Variants in PCDH15 observed in about 807,000 individuals in gnomAD.
PCDH15 encodes protocadherin-15.
In PCDH15, 129 loss-of-function variants were observed where a neutral mutation model predicts 178.5. The observed-to-expected ratio is 0.72, with a 90% CI of 0.63 to 0.84. PCDH15 has a LOEUF of 0.84. Among genes scored for constraint, PCDH15 ranks in the 40% least tolerant of loss-of-function variants. PCDH15 has a pLI of 0.00. For missense variants in PCDH15, 2,230 were observed against 2,099.9 expected, an observed-to-expected ratio of 1.06 and a Z score of -1.21; for synonymous variants, 800 against 732.0, an observed-to-expected ratio of 1.09 and a Z score of -1.50.
chr10:53,803,943 G>A lies in PCDH15; in HGVS notation c.*2636C>T, dbSNP rs981026350. The A allele has an allele frequency of 4.0e-5, 6 of 151,788 alleles. No individual in the cohort carries two copies. Among genetic ancestry groups the A allele is most frequent in the Non-Finnish European group, 7.4e-5 (5 of 67,854 alleles). The allele number at this position is 151,788 out of a possible 1,614,324, so 9.4% of individuals were successfully genotyped here. ...TCTTTATAAATATTTACATTGAAAC[G>A]TTATTTATATGAAGTATTCTTAAGA... On this transcript the variant is annotated 3_prime_UTR_variant, in exon 38 of 38. Coordinates refer to ENST00000644397, the MANE Select transcript of PCDH15 (RefSeq NM_001384140.1).
chr10:54,892,772 C>T (rs1463168698), intron 3 of PCDH15, among the ~76,000 whole-genome samples: 5 of 149,950 alleles, frequency 3.3e-5, no homozygotes, highest in African/African-American at 1.2e-4. Flanking sequence ...CTCTTGTCAC[C>T]CAAGCTGGAG....
intron 2 of PCDH15, among the ~76,000 whole-genome samples, chr10:55,424,312 G>A (rs922418297): frequency 4.6e-5 from 7 of 151,958 alleles, no homozygotes; most frequent in African/African-American, 1.7e-4. Context: ...GATGTCAGGG[G>A]GTATCATGAG....
chr10:54,858,227 T>C (rs1453557137), intron 3 of PCDH15, among the ~76,000 whole-genome samples: 1 of 152,194 alleles, frequency 6.6e-6, no homozygotes, highest in African/African-American at 2.4e-5. Context: ...TTCATTTTTT[T>C]GTAAATGACA....
At chr10:55,486,465 C>T (rs532614318) in intron 2 of PCDH15, among the ~76,000 whole-genome samples, 1 of 121,982 alleles carries the variant, frequency 8.2e-6, no homozygotes, top group African/African-American at 3.0e-5. Context: ...ATATGTTGTA[C>T]ATTTTATATT....
chr10:54,936,804 C>T (rs1837918572), intron 2 of PCDH15, among the ~76,000 whole-genome samples: 2 of 150,300 alleles, frequency 1.3e-5, no homozygotes, highest in South Asian at 2.1e-4. Context: ...CTGTTGATTG[C>T]CTTTCTACTT....
intron 8 of PCDH15, among the ~76,000 whole-genome samples, chr10:54,275,705 TA>T (rs377711464): frequency 2.7e-4 from 41 of 151,382 alleles, no homozygotes; most frequent in African/African-American, 9.7e-4. Flanking sequence ...TTGAAGAGGA[TA>T]AAAGAGCAAG....
chr10:54,145,140 G>A (rs2043780309), intron 14 of PCDH15, among the ~76,000 whole-genome samples: 2 of 151,998 alleles, frequency 1.3e-5, no homozygotes, highest in Admixed American at 1.3e-4. Context: ...GAATAAAGAA[G>A]AGGGTTGGAA....
chr10:54,486,915 G>A (rs2079152292), intron 3 of PCDH15, among the ~76,000 whole-genome samples: 1 of 151,914 alleles, frequency 6.6e-6, no homozygotes. Flanking sequence ...ATTAGACCGT[G>A]GCCATGGAAT....
At chr10:54,871,456 T>A (rs1364197435) in intron 3 of PCDH15, among the ~76,000 whole-genome samples, 2 of 151,266 alleles carry the variant, frequency 1.3e-5, no homozygotes, top group Non-Finnish European at 2.9e-5. Flanking sequence ...TAACTCACGT[T>A]ACCAGCTTAA....
intron 1 of PCDH15, among the ~76,000 whole-genome samples, chr10:55,296,350 C>T (rs940529418): frequency 4.6e-5 from 7 of 152,158 alleles, no homozygotes; most frequent in African/African-American, 1.4e-4. Context: ...AAAGTTCCAA[C>T]CCTGTGATAC....
chr10:54,366,636 G>C (rs1017216770), intron 5 of PCDH15, among the ~76,000 whole-genome samples: 2 of 150,390 alleles, frequency 1.3e-5, no homozygotes, highest in Non-Finnish European at 3.0e-5. Flanking sequence ...TACTATGGAA[G>C]AACTATTCAA....
intron 2 of PCDH15, among the ~76,000 whole-genome samples, chr10:55,560,371 C>T (rs897088051): frequency 1.3e-5 from 2 of 151,860 alleles, no homozygotes; most frequent in East Asian, 1.9e-4. Context: ...ATCCTTCATA[C>T]CTTTGCACAT....
intron 3 of PCDH15, among the ~76,000 whole-genome samples, chr10:54,493,357 T>C (rs2079790192): frequency 6.6e-6 from 1 of 152,098 alleles, no homozygotes. Context: ...TGGTGCCTCC[T>C]ACACCTACCC....
chr10:54,373,316 A>G (rs1448032491), intron 4 of PCDH15, among the ~76,000 whole-genome samples: 5 of 151,812 alleles, frequency 3.3e-5, no homozygotes, highest in African/African-American at 1.2e-4. Flanking sequence ...CTATGGACTT[A>G]CCACCTTTAT....
At chr10:53,967,874 A>C (rs930171251) in intron 21 of PCDH15, among the ~76,000 whole-genome samples, 2 of 152,218 alleles carry the variant, frequency 1.3e-5, no homozygotes, top group South Asian at 4.1e-4. Context: ...CTATCTATTT[A>C]CAAGTAAATC....
chr10:55,514,920 G>A (rs1335613857), intron 2 of PCDH15, among the ~76,000 whole-genome samples: 14 of 151,510 alleles, frequency 9.2e-5, no homozygotes, highest in Non-Finnish European at 2.1e-4. Context: ...AGGCAGGAGA[G>A]CAGGAGAAGG....
At chr10:54,782,016 T>C (rs73266162) in intron 1 of PCDH15, among the ~76,000 whole-genome samples, 11,498 of 152,136 alleles carry the variant, frequency 0.076, 498 homozygotes, top group South Asian at 0.14. Flanking sequence ...GTCTCAGAGA[T>C]AAGGGGCTTT....
intron 1 of PCDH15, among the ~76,000 whole-genome samples, chr10:55,197,353 T>C (rs1252929220): frequency 6.6e-6 from 1 of 152,094 alleles, no homozygotes; most frequent in African/African-American, 2.4e-5. Context: ...AACACACTTT[T>C]GAATACTTGC....
chr10:55,473,145 CTAA>C (rs1229987590), intron 2 of PCDH15, among the ~76,000 whole-genome samples: 1 of 152,088 alleles, frequency 6.6e-6, no homozygotes, highest in Non-Finnish European at 1.5e-5. Context: ...TTTACTTTCT[CTAA>C]TATTAACGTT....
Sources: allele counts gnomAD v4.1 joint callset (sites outside exome capture counted in the v4.1 genomes callset), GRCh38; gene constraint gnomAD v4.1.1; transcripts MANE v1.5; gene names NCBI Gene and HGNC (gene_info 2026-07-23, HGNC 2026-07-21).